The following ASB3 variants were observed in gnomAD, a reference collection of about 807,000 sequenced individuals.
ASB3 encodes ankyrin repeat and SOCS box containing 3.
A neutral mutation model predicts 54.5 loss-of-function variants in ASB3; 41 were observed. The observed-to-expected ratio is 0.75, with a 90% CI of 0.59 to 0.98. The LOEUF is 0.98. Ranked by LOEUF, ASB3 falls within the 50% of genes least tolerant of loss-of-function variation. The pLI, the probability that ASB3 is intolerant of heterozygous loss-of-function variation, is 0.00. For missense variants in ASB3, 733 were observed against 620.0 expected (o/e 1.18, Z -1.94); for synonymous variants, 266 against 221.2 (o/e 1.20, Z -1.80).
chr2:53,733,455 T>C (rs1204897202), intron 3 of ASB3, among the ~76,000 whole-genome samples: 1 of 152,086 alleles, frequency 6.6e-6, no homozygotes, highest in African/African-American at 2.4e-5. Context: ...CTTTTTTTTT[T>C]TTTTAAGATG....
intron 5 of ASB3, among the ~76,000 whole-genome samples, chr2:53,717,354 C>T (rs576449802): frequency 8.5e-5 from 13 of 152,184 alleles, no homozygotes; most frequent in Non-Finnish European, 1.3e-4. Context: ...ATGGGAGCCA[C>T]GCCTTAAAAC....
At chr2:53,698,562 T>G (rs1669312127) in intron 8 of ASB3, among the ~76,000 whole-genome samples, 1 of 152,222 alleles carries the variant, frequency 6.6e-6, no homozygotes, top group Admixed American at 6.5e-5. Flanking sequence ...TCCCACCAGA[T>G]AGCCTAGTTC....
chr2:53,777,189 T>C (rs1483430840), intron 1 of ASB3, among the ~76,000 whole-genome samples: 2 of 152,192 alleles, frequency 1.3e-5, no homozygotes, highest in Non-Finnish European at 2.9e-5. Context: ...GCTTTCTTAT[T>C]CTTCACAGAA....
chr2:53,771,848 T>G, intron 1 of ASB3: 1 of 909,396 alleles, frequency 1.1e-6, no homozygotes, highest in East Asian at 2.4e-5. Context: ...TTGCTAATGC[T>G]CAGCTACTTA....
intron 2 of ASB3, among the ~76,000 whole-genome samples, chr2:53,758,791 G>A (rs1558564230): frequency 2.0e-5 from 3 of 152,160 alleles, no homozygotes; most frequent in Non-Finnish European, 4.4e-5. Flanking sequence ...ATTGGAAAAT[G>A]ACTAGAGGTG....
intron 7 of ASB3, among the ~76,000 whole-genome samples, chr2:53,712,305 T>G (rs932390529): frequency 6.6e-6 from 1 of 152,128 alleles, no homozygotes; most frequent in Non-Finnish European, 1.5e-5. Context: ...TTTTTCCCAT[T>G]AGGTTTTAAA....
chr2:53,746,538 C>T (rs546815436), intron 3 of ASB3, among the ~76,000 whole-genome samples: 11 of 147,642 alleles, frequency 7.5e-5, no homozygotes, highest in African/African-American at 1.3e-4. Flanking sequence ...AGTGCAATGG[C>T]GCAATCTTGG....
intron 7 of ASB3, among the ~76,000 whole-genome samples, chr2:53,710,263 T>G (rs946318981): frequency 6.6e-6 from 1 of 152,262 alleles, no homozygotes; most frequent in Non-Finnish European, 1.5e-5. Flanking sequence ...ACTTTCAAGT[T>G]AATTTACTCT....
At chr2:53,760,945 C>T (rs1673109492) in intron 2 of ASB3, among the ~76,000 whole-genome samples, 2 of 152,158 alleles carry the variant, frequency 1.3e-5, no homozygotes, top group African/African-American at 4.8e-5. Context: ...AGCCTGCTAG[C>T]CCATGCTCCG....
At chr2:53,732,425 T>C (rs1286316959) in intron 3 of ASB3, among the ~76,000 whole-genome samples, 4 of 152,228 alleles carry the variant, frequency 2.6e-5, no homozygotes, top group Non-Finnish European at 5.9e-5. Context: ...TACATCATTA[T>C]CAGTGACTGT....
intron 9 of ASB3, among the ~76,000 whole-genome samples, chr2:53,677,483 G>T (rs964690005): frequency 6.6e-6 from 1 of 150,672 alleles, no homozygotes; most frequent in African/African-American, 2.4e-5. Context: ...CTTTCTATCT[G>T]CAGGTTTTTT....
At chr2:53,763,057 T>A (rs752851775) in intron 2 of ASB3, among the ~76,000 whole-genome samples, 2 of 152,168 alleles carry the variant, frequency 1.3e-5, no homozygotes, top group African/African-American at 4.8e-5. Context: ...TGTATTAATA[T>A]TAGATAAACC....
rs951201726 is a variant in ASB3, at chr2:53,716,091, C to G, written c.782+475G>C. Among the ~76,000 whole-genome samples the G allele has an allele frequency of 3.9e-5, 6 of 152,292 alleles. No individual in the cohort carries two copies. In the South Asian group the frequency reaches 1.2e-3, roughly 32 times the overall value. On this transcript the variant is annotated intron_variant, in intron 6 of 9. Coordinates refer to ENST00000263634, the MANE Select transcript of ASB3 (RefSeq NM_016115.5). Reference sequence around the variant, plus strand: ...AAGATTCCTGGAACCCCCATTTACTCTCTCTCCAATTTGAGGTTAGATCAA... The same window carrying G: ...AAGATTCCTGGAACCCCCATTTACTGTCTCTCCAATTTGAGGTTAGATCAA...
At chr2:53,685,385 G>T (rs879504165) in intron 9 of ASB3, among the ~76,000 whole-genome samples, 3 of 152,130 alleles carry the variant, frequency 2.0e-5, no homozygotes, top group Admixed American at 2.0e-4. Flanking sequence ...TCCAGAAATG[G>T]AAGAACTTTC....
intron 3 of ASB3, among the ~76,000 whole-genome samples, chr2:53,748,568 G>GT (rs1322336584): frequency 6.6e-6 from 1 of 151,996 alleles, no homozygotes; most frequent in East Asian, 1.9e-4. Flanking sequence ...ATTATTCCTG[G>GT]TAAGATGCAC....
At chr2:53,712,283 C>T (rs753978942) in intron 7 of ASB3, among the ~76,000 whole-genome samples, 1 of 151,682 alleles carries the variant, frequency 6.6e-6, no homozygotes, top group Non-Finnish European at 1.5e-5. Flanking sequence ...AAGTAAATGC[C>T]ACTAAATACT....
chr2:53,776,491 C>T (rs760467939), intron 1 of ASB3, among the ~76,000 whole-genome samples: 12 of 152,084 alleles, frequency 7.9e-5, no homozygotes, highest in Non-Finnish European at 1.3e-4. Flanking sequence ...CAGCTTTTGG[C>T]AATCTATTTT....
chr2:53,729,609 A>C, intron 3 of ASB3, 39 bp from the exon 4 acceptor site: 1 of 1,589,956 alleles, frequency 6.3e-7, no homozygotes, highest in Non-Finnish European at 8.6e-7. Context: ...GTCAGCAAAA[A>C]GGCATGTTTG....
At chr2:53,726,387 A>C (rs1041799370) in intron 5 of ASB3, among the ~76,000 whole-genome samples, 1 of 150,798 alleles carries the variant, frequency 6.6e-6, no homozygotes, top group Non-Finnish European at 1.5e-5. Context: ...CAGCCTCCTG[A>C]GTAGCTGGGA....
Sources: allele counts gnomAD v4.1 joint callset (sites outside exome capture counted in the v4.1 genomes callset), GRCh38; gene constraint gnomAD v4.1.1; transcripts MANE v1.5; gene names NCBI Gene and HGNC (gene_info 2026-07-23, HGNC 2026-07-21).